TMEM117: variants seen among roughly 807,000 people sequenced by gnomAD.
TMEM117 encodes transmembrane protein 117.
Under a neutral mutation model 52.4 loss-of-function variants are expected in TMEM117, and 27 were observed. The observed-to-expected ratio is 0.51, with a 90% CI of 0.38 to 0.71. TMEM117 has a LOEUF of 0.71. Among genes scored for constraint, TMEM117 ranks in the 30% least tolerant of loss-of-function variants. TMEM117 has a pLI of 0.00. For missense variants in TMEM117, 556 were observed against 630.5 expected (o/e 0.88, Z 1.26); for synonymous variants, 215 against 206.3 (o/e 1.04, Z -0.36).
At chr12:44,250,193 C>T (rs1011106657) in intron 5 of TMEM117, among the ~76,000 whole-genome samples, 4 of 152,106 alleles carry the variant, frequency 2.6e-5, no homozygotes, top group African/African-American at 9.7e-5. Context: ...TGAACAGACA[C>T]TTCTCAAAAG....
At chr12:43,878,062 T>C (rs1178471610) in intron 2 of TMEM117, among the ~76,000 whole-genome samples, 1 of 63,000 alleles carries the variant, frequency 1.6e-5, no homozygotes, top group Non-Finnish European at 5.1e-5. Flanking sequence ...CGTTTTACAA[T>C]GAAAAAAAGT....
At chr12:44,319,250 C>G (rs1296622713) in intron 6 of TMEM117, among the ~76,000 whole-genome samples, 3 of 152,228 alleles carry the variant, frequency 2.0e-5, no homozygotes, top group Non-Finnish European at 4.4e-5. Context: ...ATCCTGCTCT[C>G]CATCCTGAGT....
chr12:44,038,087 C>T (rs1170390270), intron 3 of TMEM117, among the ~76,000 whole-genome samples: 2 of 152,102 alleles, frequency 1.3e-5, no homozygotes, highest in Admixed American at 6.6e-5. Context: ...TGTCTGCATA[C>T]CTCATTTTTC....
At chr12:44,164,789 G>C (rs1948942666) in intron 4 of TMEM117, among the ~76,000 whole-genome samples, 1 of 152,074 alleles carries the variant, frequency 6.6e-6, no homozygotes, top group South Asian at 2.1e-4. Context: ...GGTATATTTT[G>C]TATTGATATA....
chr12:44,368,058 T>C (rs1411690672), intron 6 of TMEM117, among the ~76,000 whole-genome samples: 1 of 152,078 alleles, frequency 6.6e-6, no homozygotes, highest in Non-Finnish European at 1.5e-5. Flanking sequence ...AATCATCTCA[T>C]TTCCTCCTCA....
chr12:44,157,813 A>G (rs920389552), intron 4 of TMEM117, among the ~76,000 whole-genome samples: 4 of 152,140 alleles, frequency 2.6e-5, no homozygotes, highest in African/African-American at 9.6e-5. Context: ...AGTCCCATTT[A>G]TTAAAATAAG....
chr12:44,028,889 G>A (rs1431354242), intron 3 of TMEM117, among the ~76,000 whole-genome samples: 1 of 152,160 alleles, frequency 6.6e-6, no homozygotes, highest in East Asian at 1.9e-4. Context: ...TCTTTCTGGT[G>A]ACCATGGAAG....
chr12:44,136,846 T>C (rs567680343), intron 3 of TMEM117, among the ~76,000 whole-genome samples: 1 of 152,214 alleles, frequency 6.6e-6, no homozygotes, highest in African/African-American at 2.4e-5. Context: ...GAAGAGGTAA[T>C]AAAAATGATA....
intron 3 of TMEM117, among the ~76,000 whole-genome samples, chr12:44,089,781 C>T (rs1337950171): frequency 6.6e-6 from 1 of 152,128 alleles, no homozygotes; most frequent in East Asian, 1.9e-4. Context: ...TTCTTAAAGA[C>T]AGTAAGTATT....
chr12:43,979,226 A>G (rs1945720959), intron 3 of TMEM117, among the ~76,000 whole-genome samples: 1 of 152,026 alleles, frequency 6.6e-6, no homozygotes, highest in Non-Finnish European at 1.5e-5. Flanking sequence ...TATCCAAGAT[A>G]CTTCCAAGGA....
chr12:43,925,567 G>A (rs991874145), intron 2 of TMEM117, among the ~76,000 whole-genome samples: 11 of 152,100 alleles, frequency 7.2e-5, no homozygotes, highest in South Asian at 4.1e-4. Flanking sequence ...ACTCCACCTC[G>A]TCAGTCATCC....
rs139410681 is a variant in TMEM117 at position 43,924,523 on chromosome 12, T to G, written c.278-19687T>G. ...AAATTATTTAATTATTTCAAGTATT[T>G]CGTGCTGTGAAGGTTATTTTCACAA... On this transcript the variant is annotated intron_variant, in intron 2 of 7. Coordinates refer to ENST00000266534, the MANE Select transcript of TMEM117 (RefSeq NM_032256.3). 2.4e-4 allele frequency among the ~76,000 whole-genome samples: 36 copies of G among 152,320 alleles called. 1 individual carries two copies. The highest frequency in any genetic ancestry group is 8.2e-4 in the African/African-American group (34 of 41,586).
At chr12:44,150,174 C>T (rs529736384) in intron 4 of TMEM117, among the ~76,000 whole-genome samples, 1 of 152,242 alleles carries the variant, frequency 6.6e-6, no homozygotes, top group South Asian at 2.1e-4. Flanking sequence ...CTGGATCAAG[C>T]ATTTAATTAA....
At chr12:43,827,517 A>G in the TMEM117 span, among the ~76,000 whole-genome samples, 1 of 152,244 alleles carries the variant, frequency 6.6e-6, no homozygotes, top group Non-Finnish European at 1.5e-5. Context: ...ATGCTGGAGT[A>G]AATGTGAGAG....
At chr12:44,352,593 G>C (rs551848514) in intron 6 of TMEM117, among the ~76,000 whole-genome samples, 41 of 152,000 alleles carry the variant, frequency 2.7e-4, no homozygotes, top group Non-Finnish European at 5.1e-4. Context: ...ATGGTTTCCA[G>C]CTTCATCCAT....
At chr12:44,170,224 C>T (rs1404489389) in intron 4 of TMEM117, among the ~76,000 whole-genome samples, 2 of 141,924 alleles carry the variant, frequency 1.4e-5, no homozygotes, top group Non-Finnish European at 3.0e-5. Flanking sequence ...TGTTCTCACT[C>T]ATAGGTGGGA....
intron 3 of TMEM117, among the ~76,000 whole-genome samples, chr12:44,071,275 T>A (rs1243236899): frequency 6.6e-6 from 1 of 152,174 alleles, no homozygotes; most frequent in Admixed American, 6.5e-5. Context: ...ACACTGCTCT[T>A]CAGATCCATC....
At chr12:43,887,786 C>A (rs1262526834) in intron 2 of TMEM117, among the ~76,000 whole-genome samples, 1 of 152,178 alleles carries the variant, frequency 6.6e-6, no homozygotes, top group Non-Finnish European at 1.5e-5. Context: ...AAGGACCAAT[C>A]TACTCAAGAA....
At chr12:44,359,047 A>G (rs1951688010) in intron 6 of TMEM117, among the ~76,000 whole-genome samples, 1 of 152,184 alleles carries the variant, frequency 6.6e-6, no homozygotes, top group African/African-American at 2.4e-5. Flanking sequence ...GAAAGAAGGC[A>G]GGTGATATTA....
Sources: gnomAD v4.1 joint callset for allele counts (sites outside exome capture counted in the v4.1 genomes callset) on GRCh38, gnomAD v4.1.1 for gene constraint, MANE v1.5 for transcripts, NCBI Gene and HGNC (gene_info 2026-07-23, HGNC 2026-07-21) for gene names.